Variants in MAGI3 observed in about 807,000 individuals in gnomAD.
The protein encoded by MAGI3 is membrane-associated guanylate kinase, WW and PDZ domain-containing protein 3.
In MAGI3, 43 loss-of-function variants were observed where a neutral mutation model predicts 121.8. That is an observed-to-expected ratio of 0.35 (90% CI 0.28 to 0.46). The LOEUF is 0.46. MAGI3 is among the 20% of genes least tolerant of loss of function. MAGI3 has a pLI of 1.00. For synonymous variants in MAGI3, 553 were observed against 639.3 expected, an observed-to-expected ratio of 0.86 and a Z score of 2.04; for missense variants, 1,547 against 1,797.3, an observed-to-expected ratio of 0.86 and a Z score of 2.52.
At chr1:113,400,043 A>G (rs971123876) in intron 1 of MAGI3, among the ~76,000 whole-genome samples, 1 of 152,170 alleles carries the variant, frequency 6.6e-6, no homozygotes, top group East Asian at 1.9e-4. Context: ...AAATGGGTAT[A>G]TAAGAGTTTT....
In MAGI3 at chr1:113,683,330, A is replaced by G. The variant is rs1367841924; in HGVS notation, c.3762A>G (p.Gln1254=). 5.0e-6 allele frequency: 8 copies of G among 1,614,008 alleles called. No individual in the cohort carries two copies. Among genetic ancestry groups the G allele is most frequent in the Middle Eastern group, 1.6e-4 (1 of 6,062 alleles). Residue 1254 remains glutamine (Q), a synonymous_variant, in exon 21 of 21, where the codon CAA becomes CAG. Transcript: ENST00000307546. ...ACCCCAAAAGAAGACCCAGAGATCA[A>G]TCCCTCAGCCCCAGCAAAGGGGAAA... is the stretch of plus-strand genomic sequence containing the variant. ...KNNPKRRPRD[Q]SLSPSKGENK...
intron 15 of MAGI3, among the ~76,000 whole-genome samples, chr1:113,655,891 T>C (rs779271899): frequency 7.2e-5 from 11 of 152,198 alleles, no homozygotes; most frequent in Non-Finnish European, 1.6e-4. Context: ...TGTTGTAACT[T>C]CTGCTGCCAT....
chr1:113,424,963 G>A (rs746762094), intron 1 of MAGI3, among the ~76,000 whole-genome samples: 34 of 151,938 alleles, frequency 2.2e-4, no homozygotes, highest in Non-Finnish European at 4.0e-4. Flanking sequence ...GTGAAACCCC[G>A]TCTCTACTAA....
rs1652575366 is a variant in MAGI3 at position 113,642,087 on chromosome 1, G to T, written c.1537G>T (p.Val513Phe). 6.2e-7 allele frequency: 1 copy of T among 1,614,002 alleles called. No individual in the cohort carries two copies. Among genetic ancestry groups the T allele is most frequent in the African/African-American group, 1.3e-5 (1 of 74,888 alleles). ...TGTGGACATTGTTGCTGCTACCCCTGTCATCAATGGACAGTCATTAACCAA... is the reference window on the plus strand; with the variant it reads ...TGTGGACATTGTTGCTGCTACCCCTTTCATCAATGGACAGTCATTAACCAA... Reference protein sequence around the residue: ...PVVDIVAATPVINGQSLTKGE... With the variant: ...PVVDIVAATPFINGQSLTKGE... The change falls in exon 10 of 21, where the codon GTC becomes TTC. Residue 513 changes from valine to phenylalanine, a missense_variant. Physicochemically the swap from Val to Phe is conservative, Grantham distance 50 (BLOSUM62 -1). Transcript: ENST00000307546.
intron 1 of MAGI3, among the ~76,000 whole-genome samples, chr1:113,427,331 C>T (rs1317309040): frequency 2.0e-5 from 3 of 152,216 alleles, no homozygotes; most frequent in African/African-American, 4.8e-5. Flanking sequence ...ATCTGGCCCC[C>T]TAACCCAGTC....
At chr1:113,669,049 C>T (rs1557883504) in intron 16 of MAGI3, among the ~76,000 whole-genome samples, 1 of 152,136 alleles carries the variant, frequency 6.6e-6, no homozygotes, top group Non-Finnish European at 1.5e-5. Context: ...CTAGTAACGC[C>T]GATAAATTAT....
At chr1:113,659,029 A>G (rs1258834797) in intron 15 of MAGI3, 51 bp from the exon 16 acceptor site, 4 of 1,392,528 alleles carry the variant, frequency 2.9e-6, no homozygotes, top group Non-Finnish European at 4.0e-6. Flanking sequence ...TAAATCTAAC[A>G]CTAGCAGAAA....
chr1:113,476,698 G>A (rs958302862), intron 1 of MAGI3, among the ~76,000 whole-genome samples: 3 of 152,188 alleles, frequency 2.0e-5, no homozygotes, highest in Non-Finnish European at 4.4e-5. Flanking sequence ...TGTATATTCT[G>A]TTGATTTGGG....
intron 20 of MAGI3, among the ~76,000 whole-genome samples, 177 bp downstream of exon 20, chr1:113,681,513 T>C (rs1648214930): frequency 6.6e-6 from 1 of 152,186 alleles, no homozygotes; most frequent in African/African-American, 2.4e-5. Flanking sequence ...AGAAAACAAG[T>C]GACTTAGGCA....
intron 1 of MAGI3, among the ~76,000 whole-genome samples, chr1:113,503,310 A>AG (rs1657136211): frequency 3.7e-5 from 1 of 26,834 alleles, no homozygotes; most frequent in African/African-American, 5.8e-4. Context: ...CTGTCTCAGG[A>AG]AAAAAAAAAA....
At chr1:113,680,483 C>T (rs554641034) in intron 19 of MAGI3, among the ~76,000 whole-genome samples, 37 of 152,186 alleles carry the variant, frequency 2.4e-4, no homozygotes, top group Admixed American at 6.5e-4. Flanking sequence ...CAGGGCCGGG[C>T]GCGGTGGCTC....
chr1:113,438,158 C>T (rs1653730141), intron 1 of MAGI3, among the ~76,000 whole-genome samples: 1 of 151,714 alleles, frequency 6.6e-6, no homozygotes, highest in East Asian at 1.9e-4. Context: ...GCTATGTTGC[C>T]CAGGCTGGCC....
intron 2 of MAGI3, among the ~76,000 whole-genome samples, chr1:113,561,003 T>C (rs777219870): frequency 1.5e-4 from 23 of 152,028 alleles, no homozygotes; most frequent in Non-Finnish European, 2.4e-4. Context: ...GCAAATAAAC[T>C]AGAAAATCTA....
intron 1 of MAGI3, among the ~76,000 whole-genome samples, chr1:113,545,523 G>T (rs374780996): frequency 5.3e-5 from 8 of 152,156 alleles, no homozygotes; most frequent in African/African-American, 1.7e-4. Flanking sequence ...CATGCCCAGC[G>T]TTTAGTTAAA....
In MAGI3 at chr1:113,659,362, G is replaced by A. The variant is rs566505236; in HGVS notation, c.2815+97G>A. 1.3e-5 allele frequency: 16 copies of A among 1,214,444 alleles called. No homozygotes were observed. The African/African-American group carries it at 1.4e-4, about 10-fold the overall frequency. The allele number at this position is 1,214,444 out of a possible 1,614,324, so 75.2% of individuals were successfully genotyped here. A position where few individuals can be genotyped will look rare whatever the true frequency, so the allele number is the denominator to read the frequency against. On this transcript the variant is annotated intron_variant, in intron 16 of 20. Coordinates refer to ENST00000307546, the MANE Select transcript of MAGI3 (RefSeq NM_001142782.2). ...CCTCCAGCACTGCCAGAATCACTGC[G>A]GGGATATAACTGTGTATGCACGCTG...
intron 1 of MAGI3, among the ~76,000 whole-genome samples, chr1:113,484,514 C>A (rs1656256834): frequency 6.6e-6 from 1 of 152,104 alleles, no homozygotes; most frequent in Non-Finnish European, 1.5e-5. Context: ...GTTTTCCATT[C>A]CTGGGTTACT....
intron 1 of MAGI3, among the ~76,000 whole-genome samples, chr1:113,470,469 C>T (rs1361623678): frequency 6.6e-6 from 1 of 152,110 alleles, no homozygotes; most frequent in Non-Finnish European, 1.5e-5. Context: ...AACCTATTGA[C>T]CAGAACTTAA....
chr1:113,625,589 T>C (rs1455459061), intron 9 of MAGI3, among the ~76,000 whole-genome samples: 1 of 152,216 alleles, frequency 6.6e-6, no homozygotes, highest in African/African-American at 2.4e-5. Flanking sequence ...ATAGTTTTTT[T>C]ATTTGTGGAG....
chr1:113,683,438 A>G lies in MAGI3; in HGVS notation c.3870A>G (p.Lys1290=). The G allele has an allele frequency of 6.2e-7, 1 of 1,614,054 alleles. No homozygotes were observed. The highest frequency in any genetic ancestry group is 8.5e-7 in the Non-Finnish European group (1 of 1,179,908). Residue 1290 remains lysine (K), a synonymous_variant, in exon 21 of 21, where the codon AAA becomes AAG. Coordinates refer to ENST00000307546, the MANE Select transcript of MAGI3 (RefSeq NM_001142782.2). Reference sequence around the variant, plus strand: ...GCAGAGGTCGGTCGGCCAGCCCAAAAAAGCAGCAAAAAATTGAAGGAAGCA... The same window carrying G: ...GCAGAGGTCGGTCGGCCAGCCCAAAGAAGCAGCAAAAAATTGAAGGAAGCA... The part of the protein sequence containing the change: ...RKSRGRSASP[K]KQQKIEGSKA...
Sources: allele counts gnomAD v4.1 joint callset (sites outside exome capture counted in the v4.1 genomes callset), GRCh38; gene constraint gnomAD v4.1.1; transcripts MANE v1.5; gene names NCBI Gene and HGNC (gene_info 2026-07-23, HGNC 2026-07-21).